VIPR1: variants seen among roughly 807,000 people sequenced by gnomAD.
VIPR1 encodes vasoactive intestinal polypeptide receptor 1.
Under a neutral mutation model 58.8 loss-of-function variants are expected in VIPR1, and 59 were observed. The ratio of observed to expected loss-of-function variants is 1.00; its 90% CI spans 0.81 to 1.25. VIPR1 has a LOEUF of 1.25. Ranked by LOEUF, VIPR1 falls within the 50% of genes most tolerant of loss-of-function variation. The pLI is 0.00. For synonymous variants in VIPR1, 251 were observed against 242.1 expected (o/e 1.04, Z -0.34); for missense variants, 626 against 602.7 (o/e 1.04, Z -0.40).
At chr3:42,498,023 G>T (rs959179573), upstream of VIPR1, among the ~76,000 whole-genome samples, 2 of 152,160 alleles carry the variant, frequency 1.3e-5, no homozygotes, top group African/African-American at 4.8e-5. Flanking sequence ...TTTCCTCTCT[G>T]CCCAGAGCAG....
chr3:42,511,545 G>A (rs1397734598), intron 1 of VIPR1, among the ~76,000 whole-genome samples: 1 of 152,156 alleles, frequency 6.6e-6, no homozygotes, highest in Non-Finnish European at 1.5e-5. Context: ...CCAGAAGAGA[G>A]TAAAGGATGG....
At position 42,536,328 on chromosome 3, in the gene VIPR1, A is replaced by C. The variant is rs2125683129; in HGVS notation, c.*47A>C. On this transcript the variant is annotated 3_prime_UTR_variant, in exon 13 of 13. Coordinates refer to ENST00000325123, the MANE Select transcript of VIPR1 (RefSeq NM_004624.4). ...AAGGCGGCCCCTCCCGCCCCTTCCC[A>C]CTCACCCCGGCAGACGCCGGGGACA... The C allele has an allele frequency of 6.8e-7, 1 of 1,473,530 alleles. No homozygotes were observed. Among genetic ancestry groups the C allele is most frequent in the Non-Finnish European group, 9.0e-7 (1 of 1,116,274 alleles). 91.3% of individuals were successfully genotyped at this position (1,473,530 alleles called of 1,614,324 possible). A position where few individuals can be genotyped will look rare whatever the true frequency, so the allele number is the denominator to read the frequency against.
chr3:42,531,031 C>G, intron 7 of VIPR1, 99 bp downstream of exon 7: 2 of 1,452,746 alleles, frequency 1.4e-6, no homozygotes, highest in South Asian at 2.6e-5. Flanking sequence ...AGTCCTACGT[C>G]TTGCTTAGCT....
At chr3:42,495,951 A>G (rs1168255793) in intron 1 of VIPR1, among the ~76,000 whole-genome samples, 1 of 151,902 alleles carries the variant, frequency 6.6e-6, no homozygotes, top group Non-Finnish European at 1.5e-5. Flanking sequence ...AGACCCAGCT[A>G]ACCTTTATAT....
At chr3:42,514,671 T>C (rs1240967303) in intron 2 of VIPR1, among the ~76,000 whole-genome samples, 2 of 151,766 alleles carry the variant, frequency 1.3e-5, no homozygotes, top group African/African-American at 4.8e-5. Context: ...CATCAGCTCA[T>C]TATTCGGCTG....
At chr3:42,517,833 G>A (rs1053482601) in intron 2 of VIPR1, among the ~76,000 whole-genome samples, 19 of 152,078 alleles carry the variant, frequency 1.2e-4, no homozygotes, top group African/African-American at 2.7e-4. Context: ...AAAATTAGCC[G>A]GGTGTGGTGG....
At chr3:42,503,200 G>C (rs925915850) in intron 1 of VIPR1, among the ~76,000 whole-genome samples, 1 of 152,134 alleles carries the variant, frequency 6.6e-6, no homozygotes, top group Non-Finnish European at 1.5e-5. Context: ...TGAGAGGGAG[G>C]ATGTGAGGGG....
intron 1 of VIPR1, chr3:42,512,006 T>C (rs1349741654): frequency 6.6e-6 from 1 of 152,232 alleles, no homozygotes; most frequent in Non-Finnish European, 1.5e-5. Flanking sequence ...AGTAACTGTA[T>C]CATGCTCCAT....
Position 42,527,436 on chromosome 3 carries a change from T to C in VIPR1, c.443T>C (p.Ile148Thr), listed in dbSNP as rs1701291542. The change falls in exon 5 of 13, where the codon ATT becomes ACT. Residue 148 changes from isoleucine to threonine, a missense_variant. By Grantham distance (89) the Ile-to-Thr change is moderately conservative. Transcript: ENST00000325123. ...GGTTCTGTGAAGACCGGCTACACCA[T>C]TGGCTACGGCCTGTCCCTCGCCACC... The part of the protein sequence containing the change: ...FYGSVKTGYT[I>T]GYGLSLATLL... 3.7e-6 allele frequency: 6 copies of C among 1,613,088 alleles called. No homozygotes were observed. The Admixed American group carries it at 5.0e-5, about 13-fold the overall frequency.
Position 42,513,771 on chromosome 3 carries a change from A to C in VIPR1, c.101A>C (p.Gln34Pro). 1.3e-6 allele frequency: 2 copies of C among 1,551,498 alleles called. No homozygotes were observed. Among genetic ancestry groups the C allele is most frequent in the Non-Finnish European group, 1.7e-6 (2 of 1,146,888 alleles). The change falls in exon 2 of 13, where the codon CAG becomes CCG. Residue 34 changes from glutamine (Q) to proline (P), a missense_variant. Physicochemically the swap from Gln to Pro is moderately conservative, Grantham distance 76. Coordinates refer to ENST00000325123, the MANE Select transcript of VIPR1 (RefSeq NM_004624.4). ...CAGGGCGGCCAGGCGGCCAGGCTGC[A>C]GGAGGAGTGTGACTATGTGCAGATG... ...GPAGGQAARL[Q>P]EECDYVQMIE...
At chr3:42,528,505 C>T (rs1292477799) in intron 6 of VIPR1, 2 of 226,754 alleles carry the variant, frequency 8.8e-6, no homozygotes, top group Non-Finnish European at 1.8e-5. Context: ...AAGATTCCTT[C>T]CAACTCTGCC....
At chr3:42,517,036 G>A (rs1281614060) in intron 2 of VIPR1, among the ~76,000 whole-genome samples, 1 of 152,206 alleles carries the variant, frequency 6.6e-6, no homozygotes, top group African/African-American at 2.4e-5. Context: ...CAGCCAACAT[G>A]AGGCCACAAG....
intron 12 of VIPR1, among the ~76,000 whole-genome samples, chr3:42,535,877 G>A (rs1414226854): frequency 6.6e-6 from 1 of 152,124 alleles, no homozygotes; most frequent in Non-Finnish European, 1.5e-5. Flanking sequence ...GATCCTCTCT[G>A]CCTCTTACCT....
upstream of VIPR1, chr3:42,502,484 C>T (rs1411762114): frequency 2.9e-6 from 1 of 346,978 alleles, no homozygotes; most frequent in Non-Finnish European, 5.2e-6. Flanking sequence ...AGCAGAGCTT[C>T]CTCACTGGCA....
At chr3:42,514,011 G>C (rs922570501) in intron 2 of VIPR1, among the ~76,000 whole-genome samples, 157 bp downstream of exon 2, 7 of 152,214 alleles carry the variant, frequency 4.6e-5, no homozygotes, top group Non-Finnish European at 7.4e-5. Context: ...GGGCTAACAG[G>C]CTTCCACATT....
chr3:42,530,756 C>T (rs1200099310), intron 6 of VIPR1, 23 bp from the exon 7 acceptor site: 8 of 1,611,958 alleles, frequency 5.0e-6, no homozygotes, highest in South Asian at 1.1e-5. Context: ...CAGTGAACCC[C>T]GTCTTTTCTC....
chr3:42,526,345 TG>T (rs1270765359), intron 4 of VIPR1, among the ~76,000 whole-genome samples: 17 of 152,308 alleles, frequency 1.1e-4, no homozygotes, highest in African/African-American at 4.1e-4. Context: ...GAAACCGAGT[TG>T]CTGCAGGTCC....
chr3:42,531,922 C>A (rs1016260406), intron 9 of VIPR1, 53 bp downstream of exon 9: 12 of 1,600,606 alleles, frequency 7.5e-6, no homozygotes, highest in Non-Finnish European at 9.4e-6. Context: ...AAAGGGCAGG[C>A]AACTTAGCCC....
At chr3:42,525,563 A>C (rs934119403) in intron 3 of VIPR1, among the ~76,000 whole-genome samples, 45 of 152,310 alleles carry the variant, frequency 3.0e-4, no homozygotes, top group Admixed American at 6.5e-4. Context: ...GTCAGGAATC[A>C]TTCTGTGACA....
Sources: allele counts gnomAD v4.1 joint callset (sites outside exome capture counted in the v4.1 genomes callset), GRCh38; gene constraint gnomAD v4.1.1; transcripts MANE v1.5; gene names NCBI Gene and HGNC (gene_info 2026-07-23, HGNC 2026-07-21).